DNM3: variants seen among roughly 807,000 people sequenced by gnomAD.
DNM3 encodes dynamin-3.
A neutral mutation model predicts 101.6 loss-of-function variants in DNM3; 47 were observed. The observed-to-expected ratio is 0.46, with a 90% confidence interval of 0.37 to 0.59. DNM3 has a LOEUF of 0.59. Among genes scored for constraint, DNM3 ranks in the 20% least tolerant of loss-of-function variants. The probability of loss-of-function intolerance (pLI) is 0.00; values close to 1 mark genes in which losing one functional copy is unlikely to be tolerated. For missense variants in DNM3, 849 were observed against 1,085.7 expected (o/e 0.78, Z 3.06); for synonymous variants, 385 against 387.9 (o/e 0.99, Z 0.09).
intron 15 of DNM3, among the ~76,000 whole-genome samples, chr1:172,304,206 C>CAAAAAAAAAAAAAAAAAAAAAAAAAAA (rs575733774): frequency 1.4e-4 from 5 of 36,390 alleles, no homozygotes; most frequent in East Asian, 1.4e-3. Context: ...AAAAGGAAAG[C>CAAAAAAAAAAAAAAAAAAAAAAAAAAA]AAAAAAAAAA....
intron 1 of DNM3, among the ~76,000 whole-genome samples, chr1:171,907,601 G>A (rs2038940476): frequency 6.6e-6 from 1 of 152,056 alleles, no homozygotes; most frequent in South Asian, 2.1e-4. Context: ...CAATGGCTGA[G>A]GTGATCTGGC....
At chr1:172,314,717 G>A (rs1009641941) in intron 16 of DNM3, among the ~76,000 whole-genome samples, 10 of 152,228 alleles carry the variant, frequency 6.6e-5, no homozygotes, top group Admixed American at 1.3e-4. Flanking sequence ...GGCTTGCTTA[G>A]GTAAACAAAG....
intron 17 of DNM3, among the ~76,000 whole-genome samples, chr1:172,341,027 A>G (rs2066663045): frequency 6.6e-6 from 1 of 152,200 alleles, no homozygotes; most frequent in Non-Finnish European, 1.5e-5. Context: ...TGAGCTGATA[A>G]GCAACTTCAG....
chr1:171,929,595 G>A (rs1050172971), intron 2 of DNM3, among the ~76,000 whole-genome samples: 2 of 151,936 alleles, frequency 1.3e-5, no homozygotes, highest in African/African-American at 4.8e-5. Flanking sequence ...GCTATGCTGT[G>A]CTGGGGGACC....
chr1:172,121,593 G>A (rs866152962), intron 13 of DNM3, among the ~76,000 whole-genome samples: 2 of 152,212 alleles, frequency 1.3e-5, no homozygotes, highest in Non-Finnish European at 2.9e-5. Context: ...CATAGTCATT[G>A]TAGACTTGGG....
At chr1:172,088,038 T>C (rs2147788067) in intron 12 of DNM3, among the ~76,000 whole-genome samples, 1 of 152,342 alleles carries the variant, frequency 6.6e-6, no homozygotes, top group African/African-American at 2.4e-5. Context: ...TGATCATTGA[T>C]AGTCTGGTTG....
intron 11 of DNM3, among the ~76,000 whole-genome samples, chr1:172,074,423 G>C (rs1271292193): frequency 6.6e-6 from 1 of 152,026 alleles, no homozygotes; most frequent in Non-Finnish European, 1.5e-5. Flanking sequence ...CTATCAACCT[G>C]TTGTCTATAT....
downstream of DNM3, among the ~76,000 whole-genome samples, chr1:172,414,279 A>G (rs897217050): frequency 2.0e-5 from 3 of 152,264 alleles, no homozygotes; most frequent in African/African-American, 4.8e-5. Context: ...ATTAGAATAC[A>G]TACAAGAGAT....
At chr1:172,224,741 T>G (rs564000379) in intron 14 of DNM3, among the ~76,000 whole-genome samples, 4 of 152,186 alleles carry the variant, frequency 2.6e-5, no homozygotes, top group Non-Finnish European at 5.9e-5. Context: ...TTTTCTCTCC[T>G]TTTCTGTTTT....
intron 14 of DNM3, among the ~76,000 whole-genome samples, chr1:172,212,358 T>A (rs557447611): frequency 1.8e-4 from 28 of 152,280 alleles, no homozygotes; most frequent in African/African-American, 6.7e-4. Flanking sequence ...TGACAATGAT[T>A]CATATGAGCC....
chr1:172,297,046 G>C (rs2064197607), intron 15 of DNM3, among the ~76,000 whole-genome samples: 3 of 151,794 alleles, frequency 2.0e-5, no homozygotes, highest in African/African-American at 7.3e-5. Context: ...GGGAGGCTGA[G>C]GCAGGAGAAT....
At chr1:172,302,185 A>C (rs1333523591) in intron 15 of DNM3, among the ~76,000 whole-genome samples, 1 of 152,202 alleles carries the variant, frequency 6.6e-6, no homozygotes, top group Non-Finnish European at 1.5e-5. Context: ...TGCTTTTCCA[A>C]TGGTCTTAGC....
At chr1:172,238,577 C>T (rs201218735) in intron 14 of DNM3, among the ~76,000 whole-genome samples, 1 of 152,056 alleles carries the variant, frequency 6.6e-6, no homozygotes, top group African/African-American at 2.4e-5. Context: ...GTTTTGTTAT[C>T]TTCGTAAGTC....
chr1:172,055,298 C>T (rs1208377735), intron 10 of DNM3, among the ~76,000 whole-genome samples: 3 of 152,002 alleles, frequency 2.0e-5, no homozygotes, highest in Non-Finnish European at 4.4e-5. Context: ...AATGATCTGC[C>T]CCAAGATATC....
chr1:171,975,172 A>T (rs1056372501), intron 2 of DNM3, among the ~76,000 whole-genome samples: 2 of 152,052 alleles, frequency 1.3e-5, no homozygotes, highest in African/African-American at 4.8e-5. Context: ...TTTGCTTTTT[A>T]AAAAACTTTC....
At chr1:171,995,362 C>T (rs1419456716) in intron 4 of DNM3, among the ~76,000 whole-genome samples, 1 of 152,010 alleles carries the variant, frequency 6.6e-6, no homozygotes, top group Non-Finnish European at 1.5e-5. Flanking sequence ...ACCTCGACCT[C>T]CCAAAGTGTT....
At chr1:172,323,405 T>C (rs900793306) in intron 17 of DNM3, 65 bp downstream of exon 17, 16 of 1,550,248 alleles carry the variant, frequency 1.0e-5, no homozygotes, top group African/African-American at 1.4e-5. Flanking sequence ...CTGCATGTCT[T>C]GACAAGAGTG....
At chr1:171,891,729 A>T (rs774184903) in intron 1 of DNM3, among the ~76,000 whole-genome samples, 6 of 152,174 alleles carry the variant, frequency 3.9e-5, no homozygotes, top group Non-Finnish European at 8.8e-5. Context: ...TGTTTTTGGG[A>T]GAAAGATCAC....
chr1:172,032,908 C>G (rs2048717477), intron 5 of DNM3, among the ~76,000 whole-genome samples, 197 bp from the exon 6 acceptor site: 1 of 152,090 alleles, frequency 6.6e-6, no homozygotes, highest in Non-Finnish European at 1.5e-5. Context: ...TGTACTGATG[C>G]TAAAAAATTA....
Sources: gnomAD v4.1 joint callset for allele counts (sites outside exome capture counted in the v4.1 genomes callset) on GRCh38, gnomAD v4.1.1 for gene constraint, MANE v1.5 for transcripts, NCBI Gene and HGNC (gene_info 2026-07-23, HGNC 2026-07-21) for gene names.